The following XIRP2 variants were observed in gnomAD, a reference collection of about 807,000 sequenced individuals.
XIRP2 encodes xin actin binding repeat containing 2.
In XIRP2, 236 loss-of-function variants were observed where a neutral mutation model predicts 277.0. That is an observed-to-expected ratio of 0.85 (90% CI 0.77 to 0.95). The LOEUF (loss-of-function observed/expected upper bound fraction) is 0.95. Among genes scored for constraint, XIRP2 ranks in the 40% least tolerant of loss-of-function variants. The pLI is 0.00. For synonymous variants in XIRP2, 1,490 were observed against 1,416.5 expected, an observed-to-expected ratio of 1.05 and a Z score of -1.17; for missense variants, 4,640 against 4,157.5, an observed-to-expected ratio of 1.12 and a Z score of -3.19.
rs184056474 is a variant in XIRP2, at chr2:167,136,291, A to G, written c.562+229A>G. Among the ~76,000 whole-genome samples, 16 of 152,320 alleles carry G rather than the reference A, an allele frequency of 1.1e-4. No individual in the cohort carries two copies. The East Asian group carries it at 2.9e-3, about 28-fold the overall frequency. On this transcript the variant is annotated intron_variant, in intron 3 of 10. Transcript: ENST00000409195. ...TAAATAGAATATATTTTAATTGACT[A>G]TAAACCAGTACAACAAGCATTTTCA...
intron 2 of XIRP2, among the ~76,000 whole-genome samples, chr2:166,975,188 C>G (rs1303264513): frequency 6.6e-6 from 1 of 152,082 alleles, no homozygotes; most frequent in Non-Finnish European, 1.5e-5. Flanking sequence ...ATAAATAGAT[C>G]TACAACAGTT....
intron 3 of XIRP2, among the ~76,000 whole-genome samples, chr2:167,167,980 A>G (rs990132861): frequency 8.5e-5 from 13 of 152,234 alleles, no homozygotes; most frequent in East Asian, 7.7e-4. Context: ...TTTCCTCCTG[A>G]CTTTTGAAGG....
chr2:167,006,093 C>T (rs185683365), intron 2 of XIRP2, among the ~76,000 whole-genome samples: 1 of 151,852 alleles, frequency 6.6e-6, no homozygotes, highest in Non-Finnish European at 1.5e-5. Context: ...TTACCTTATT[C>T]CAGAATCTAC....
rs563139985 is a variant in XIRP2 at position 166,946,690 on chromosome 2, A to G, written c.408+42800A>G. Among the ~76,000 whole-genome samples, 7 of 152,246 alleles carry G rather than the reference A, an allele frequency of 4.6e-5. No homozygotes were observed. In the East Asian group the frequency reaches 1.4e-3, roughly 29 times the overall value. On this transcript the variant is annotated intron_variant, in intron 2 of 10. Coordinates refer to ENST00000409195, the MANE Select transcript of XIRP2 (RefSeq NM_152381.6). Reference sequence around the variant, plus strand: ...GATAGGATTTCCTCAGAAGGGTAAAAATTGTGATTCTCATATAAACATTAA... The same window carrying G: ...GATAGGATTTCCTCAGAAGGGTAAAGATTGTGATTCTCATATAAACATTAA...
intron 5 of XIRP2, among the ~76,000 whole-genome samples, chr2:167,227,749 T>G (rs975235153): frequency 6.6e-6 from 1 of 151,748 alleles, no homozygotes; most frequent in Non-Finnish European, 1.5e-5. Flanking sequence ...ATGATATAAA[T>G]TAACTGAAGG....
At chr2:167,029,787 C>T (rs1688283653) in intron 2 of XIRP2, among the ~76,000 whole-genome samples, 2 of 152,096 alleles carry the variant, frequency 1.3e-5, no homozygotes, top group Admixed American at 6.6e-5. Flanking sequence ...AATGATACAG[C>T]TCCTCTTTGT....
intron 2 of XIRP2, among the ~76,000 whole-genome samples, chr2:166,985,517 G>A (rs1224066521): frequency 6.6e-6 from 1 of 151,132 alleles, no homozygotes; most frequent in African/African-American, 2.4e-5. Context: ...TGCAACCTCC[G>A]CCTCCTGGGT....
At chr2:166,999,104 G>A (rs1455911375) in intron 2 of XIRP2, among the ~76,000 whole-genome samples, 2 of 144,794 alleles carry the variant, frequency 1.4e-5, no homozygotes, top group Non-Finnish European at 3.0e-5. Flanking sequence ...TTATTTTTAA[G>A]TGGAAGATAA....
At chr2:167,139,506 T>G (rs144848745) in intron 3 of XIRP2, among the ~76,000 whole-genome samples, 192 of 152,308 alleles carry the variant, frequency 1.3e-3, no homozygotes, top group African/African-American at 4.3e-3. Context: ...TTTATTCTGC[T>G]CCATTAAAAC....
At chr2:167,135,260 T>C (rs774279503) in intron 2 of XIRP2, among the ~76,000 whole-genome samples, 2 of 152,172 alleles carry the variant, frequency 1.3e-5, no homozygotes, top group African/African-American at 4.8e-5. Context: ...CAATAAGGAA[T>C]CTGTATATTC....
At chr2:167,082,034 G>A (rs1049785526) in intron 2 of XIRP2, among the ~76,000 whole-genome samples, 4 of 151,382 alleles carry the variant, frequency 2.6e-5, no homozygotes, top group Non-Finnish European at 5.9e-5. Flanking sequence ...CCATGCTGGT[G>A]CGCTGCACCC....
intron 2 of XIRP2, among the ~76,000 whole-genome samples, chr2:167,085,112 G>C (rs1307430705): frequency 2.0e-5 from 3 of 146,706 alleles, no homozygotes; most frequent in Non-Finnish European, 4.5e-5. Context: ...ACACTGCTTT[G>C]AATGTGTCCC....
chr2:167,051,266 T>A (rs1688908747), intron 2 of XIRP2, among the ~76,000 whole-genome samples: 1 of 152,166 alleles, frequency 6.6e-6, no homozygotes, highest in Admixed American at 6.6e-5. Flanking sequence ...TTTGTGCAGC[T>A]ATTCTTCTAA....
chr2:166,927,812 C>T (rs1442177877), intron 2 of XIRP2, among the ~76,000 whole-genome samples: 1 of 152,082 alleles, frequency 6.6e-6, no homozygotes. Flanking sequence ...GGGATGGAGG[C>T]TCATTATGCC....
intron 3 of XIRP2, among the ~76,000 whole-genome samples, chr2:167,182,410 A>G (rs1034388926): frequency 6.6e-6 from 1 of 152,188 alleles, no homozygotes; most frequent in Non-Finnish European, 1.5e-5. Flanking sequence ...CTCCCCTGAT[A>G]GTTCGCTTTG....
At chr2:167,237,362 A>C (rs1251808703) in intron 5 of XIRP2, among the ~76,000 whole-genome samples, 1 of 151,946 alleles carries the variant, frequency 6.6e-6, no homozygotes, top group African/African-American at 2.4e-5. Flanking sequence ...TATGTCACTA[A>C]CTCTACTCTT....
At position 166,923,887 on chromosome 2, in the gene XIRP2, C is replaced by G. The variant is rs572971553; in HGVS notation, c.408+19997C>G. 4.6e-5 allele frequency among the ~76,000 whole-genome samples: 7 copies of G among 152,120 alleles called. 1 individual carries two copies. Among genetic ancestry groups the G allele is most frequent in the African/African-American group, 1.7e-4 (7 of 41,488 alleles). ...CACTATGGAAAATGACAGGCTATGT[C>G]TAACCTTGAGGGCTCAGACACAGCT... On this transcript the variant is annotated intron_variant, in intron 2 of 10. Transcript: ENST00000409195.
In XIRP2 at chr2:167,089,880, T is replaced by C. The variant is rs971076868; in HGVS notation, c.409-46029T>C. Among the ~76,000 whole-genome samples the C allele has an allele frequency of 5.9e-5, 9 of 152,114 alleles. 1 individual carries two copies. Among genetic ancestry groups the C allele is most frequent in the South Asian group, 2.1e-4 (1 of 4,836 alleles). ...AGTTTGGTAGTAGAGACAGAGGCTTTATGGCCTGCAAAACCTAAAGCATTT... is the reference window on the plus strand; with the variant it reads ...AGTTTGGTAGTAGAGACAGAGGCTTCATGGCCTGCAAAACCTAAAGCATTT... On this transcript the variant is annotated intron_variant, in intron 2 of 10. Transcript: ENST00000409195.
chr2:167,239,517 A>G (rs1694992358), intron 5 of XIRP2, among the ~76,000 whole-genome samples: 1 of 152,198 alleles, frequency 6.6e-6, no homozygotes, highest in African/African-American at 2.4e-5. Flanking sequence ...GATAGAGGCA[A>G]GGGCTGTTAG....
Sources: gnomAD v4.1 joint callset for allele counts (sites outside exome capture counted in the v4.1 genomes callset) on GRCh38, gnomAD v4.1.1 for gene constraint, MANE v1.5 for transcripts, NCBI Gene and HGNC (gene_info 2026-07-23, HGNC 2026-07-21) for gene names.